DPYD: variants seen among roughly 807,000 people sequenced by gnomAD.
DPYD encodes the protein dihydropyrimidine dehydrogenase [NADP(+)].
A neutral mutation model predicts 116.2 loss-of-function variants in DPYD; 109 were observed. That is an observed-to-expected ratio of 0.94 (90% CI 0.80 to 1.10). The LOEUF is 1.10. DPYD is among the 50% of genes least tolerant of loss of function. The pLI, the probability that DPYD is intolerant of heterozygous loss-of-function variation, is 0.00. For missense variants in DPYD, 1,302 were observed against 1,254.5 expected, an observed-to-expected ratio of 1.04 and a Z score of -0.57; for synonymous variants, 440 against 432.0, an observed-to-expected ratio of 1.02 and a Z score of -0.23.
At chr1:97,413,924 C>A (rs1005596434) in intron 14 of DPYD, among the ~76,000 whole-genome samples, 5 of 151,830 alleles carry the variant, frequency 3.3e-5, no homozygotes, top group Admixed American at 1.3e-4. Context: ...TTCTTAAGTG[C>A]ACAACATACT....
At chr1:97,096,217 C>T (rs1454561537) in intron 21 of DPYD, among the ~76,000 whole-genome samples, 1 of 152,040 alleles carries the variant, frequency 6.6e-6, no homozygotes, top group African/African-American at 2.4e-5. Flanking sequence ...TAATGATCTA[C>T]AGGCTTTCAT....
At chr1:97,753,239 AG>A (rs1557934843) in intron 3 of DPYD, among the ~76,000 whole-genome samples, 1 of 152,200 alleles carries the variant, frequency 6.6e-6, no homozygotes, top group Non-Finnish European at 1.5e-5. Context: ...AAAGATATTA[AG>A]GCACAAAATT....
chr1:97,497,923 C>A (rs1057331205), intron 13 of DPYD, among the ~76,000 whole-genome samples: 2 of 151,346 alleles, frequency 1.3e-5, no homozygotes, highest in Admixed American at 6.6e-5. Flanking sequence ...AGAAAAATAC[C>A]CCATGAAGGG....
At chr1:97,447,486 T>C (rs553770600) in intron 14 of DPYD, among the ~76,000 whole-genome samples, 85 of 152,318 alleles carry the variant, frequency 5.6e-4, no homozygotes, top group African/African-American at 2.0e-3. Context: ...TTTAAAACGT[T>C]ATCTTCGATA....
At chr1:97,642,069 G>A (rs1657940145) in intron 8 of DPYD, among the ~76,000 whole-genome samples, 1 of 152,050 alleles carries the variant, frequency 6.6e-6, no homozygotes, top group Non-Finnish European at 1.5e-5. Context: ...TCCTCAAGGA[G>A]AACTATAAAC....
intron 4 of DPYD, among the ~76,000 whole-genome samples, chr1:97,734,370 T>C (rs1663804560): frequency 6.6e-6 from 1 of 152,194 alleles, no homozygotes; most frequent in Admixed American, 6.5e-5. Context: ...ATTTATAGAC[T>C]CTCATCTGTT....
In DPYD at chr1:97,880,412, A is replaced by C. The variant is rs1672148753; in HGVS notation, c.150+2852T>G. ...ATATGTTTTGGTGACACTTTCATTC[A>C]ATTATTTATGCCAGCATGAAGAGGA... is the stretch of plus-strand genomic sequence containing the variant. On this transcript the variant is annotated intron_variant, in intron 2 of 22. Transcript: ENST00000370192. Among the ~76,000 whole-genome samples, 5 of 151,906 alleles carry C rather than the reference A, an allele frequency of 3.3e-5. No individual in the cohort carries two copies. The South Asian group carries it at 1.0e-3, about 31-fold the overall frequency.
chr1:97,463,563 G>C (rs1677139751), intron 13 of DPYD, among the ~76,000 whole-genome samples: 1 of 152,182 alleles, frequency 6.6e-6, no homozygotes, highest in Non-Finnish European at 1.5e-5. Context: ...TATGAAACTG[G>C]ATAGCAGGCA....
At position 97,719,165 on chromosome 1, in the gene DPYD, C is replaced by CAAAAAA. The variant is rs1005459699; in HGVS notation, c.483+2339_483+2344dup. Among the ~76,000 whole-genome samples, 3 of 48,188 alleles carry CAAAAAA rather than the reference C, an allele frequency of 6.2e-5. 1 individual carries two copies. Among genetic ancestry groups the CAAAAAA allele is most frequent in the African/African-American group, 8.5e-5 (1 of 11,722 alleles). The allele number at this position is 48,188 out of a possible 152,430, so 31.6% of individuals were successfully genotyped here. A position where few individuals can be genotyped will look rare whatever the true frequency, so the allele number is the denominator to read the frequency against. On this transcript the variant is annotated intron_variant, in intron 5 of 22. Coordinates refer to ENST00000370192, the MANE Select transcript of DPYD (RefSeq NM_000110.4). ...ACACAAGATCCACCCCCAACCCTGC[C>CAAAAAA]AAAAAAAAAAAAAAAAAAAAAAAAG...
At chr1:97,450,308 A>G in intron 13 of DPYD, 85 bp from the exon 14 acceptor site, 2 of 1,447,888 alleles carry the variant, frequency 1.4e-6, no homozygotes, top group Non-Finnish European at 1.9e-6. Flanking sequence ...ATATGACAAT[A>G]TTTTATGAGG....
In DPYD at chr1:97,859,810, A is replaced by G. The variant is rs72979747; in HGVS notation, c.150+23454T>C. Among the ~76,000 whole-genome samples the G allele has an allele frequency of 9.3e-3, 1,421 of 152,284 alleles. 30 individuals are homozygous for G. The highest frequency in any genetic ancestry group is 0.032 in the African/African-American group (1,322 of 41,570). On this transcript the variant is annotated intron_variant, in intron 2 of 22. Transcript: ENST00000370192. The stretch of plus-strand genomic sequence containing the variant: ...ATACTCACGTATTTACTCATTATAA[A>G]TGTAAACAAAGATATAAATGACAAA...
chr1:97,225,560 G>GTTTTTTTTTTTTTTT (rs59058167), intron 19 of DPYD, among the ~76,000 whole-genome samples: 1 of 115,766 alleles, frequency 8.6e-6, no homozygotes. Flanking sequence ...AAATCAGGTT[G>GTTTTTTTTTTTTTTT]TTTTTTTTTT....
At chr1:97,283,422 C>T (rs114726984) in intron 18 of DPYD, among the ~76,000 whole-genome samples, 2,400 of 152,008 alleles carry the variant, frequency 0.016, 31 homozygotes, top group Non-Finnish European at 0.026. Context: ...CCTTTTTCAC[C>T]TTTCATCTAG....
At chr1:97,468,580 T>C (rs1196472915) in intron 13 of DPYD, among the ~76,000 whole-genome samples, 1 of 152,214 alleles carries the variant, frequency 6.6e-6, no homozygotes, top group Non-Finnish European at 1.5e-5. Context: ...ACAAATCTGT[T>C]GTTTAGAATC....
intron 20 of DPYD, among the ~76,000 whole-genome samples, chr1:97,159,261 G>T (rs1473397426): frequency 6.6e-6 from 1 of 152,014 alleles, no homozygotes; most frequent in Non-Finnish European, 1.5e-5. Flanking sequence ...AGAAATTCTA[G>T]ATTTAAAAGA....
chr1:97,149,005 A>T (rs1654830824), intron 20 of DPYD, among the ~76,000 whole-genome samples: 1 of 152,210 alleles, frequency 6.6e-6, no homozygotes, highest in African/African-American at 2.4e-5. Flanking sequence ...GTAAAGGTAA[A>T]TGTTTCACGC....
intron 20 of DPYD, among the ~76,000 whole-genome samples, chr1:97,184,886 C>T (rs1201664808): frequency 2.0e-5 from 3 of 152,016 alleles, no homozygotes; most frequent in African/African-American, 7.2e-5. Context: ...ATTTTTATGA[C>T]CTTATTGCGC....
At chr1:97,454,671 G>C (rs1477786175) in intron 13 of DPYD, among the ~76,000 whole-genome samples, 1 of 151,834 alleles carries the variant, frequency 6.6e-6, no homozygotes, top group East Asian at 1.9e-4. Flanking sequence ...TGATGATAAT[G>C]ATTTTTTCTC....
intron 16 of DPYD, among the ~76,000 whole-genome samples, chr1:97,310,805 TCA>T (rs750184863): frequency 7.7e-4 from 117 of 151,788 alleles, no homozygotes; most frequent in Admixed American, 2.9e-3. Context: ...ACATGAATAC[TCA>T]CAGAAACTTT....
Sources: allele counts gnomAD v4.1 joint callset (sites outside exome capture counted in the v4.1 genomes callset), GRCh38; gene constraint gnomAD v4.1.1; transcripts MANE v1.5; gene names NCBI Gene and HGNC (gene_info 2026-07-23, HGNC 2026-07-21).